TXNRD2: variants seen among roughly 807,000 people sequenced by gnomAD.
TXNRD2 encodes thioredoxin reductase 2.
Under a neutral mutation model 70.8 loss-of-function variants are expected in TXNRD2, and 67 were observed. The observed-to-expected ratio is 0.95, with a 90% CI of 0.78 to 1.16. The LOEUF (loss-of-function observed/expected upper bound fraction) is 1.16. TXNRD2 is among the 50% of genes most tolerant of loss of function. The pLI is 0.00. For missense variants in TXNRD2, 644 were observed against 719.9 expected (o/e 0.89, Z 1.21); for synonymous variants, 301 against 295.8 (o/e 1.02, Z -0.18).
At chr22:19,940,569 G>A (rs2075507) in intron 1 of TXNRD2, among the ~76,000 whole-genome samples, 89,996 of 152,020 alleles carry the variant, frequency 0.59, 26,853 homozygotes, top group East Asian at 0.71. Context: ...GGAAGGGGAA[G>A]CTTTTCTGTC....
At chr22:19,892,788 G>A (rs986274546) in intron 11 of TXNRD2, among the ~76,000 whole-genome samples, 4 of 152,226 alleles carry the variant, frequency 2.6e-5, no homozygotes, top group African/African-American at 9.6e-5. Flanking sequence ...GTTTATTTGG[G>A]AATGACAGTA....
At chr22:19,932,468 G>C in intron 1 of TXNRD2, 2 of 1,601,412 alleles carry the variant, frequency 1.2e-6, no homozygotes, top group Non-Finnish European at 1.7e-6. Flanking sequence ...GGCAGGCAAG[G>C]GGCAGCCAAA....
At chr22:19,884,957 C>T (rs1447919135) in intron 11 of TXNRD2, among the ~76,000 whole-genome samples, 3 of 152,284 alleles carry the variant, frequency 2.0e-5, no homozygotes, top group East Asian at 1.9e-4. Flanking sequence ...CAAACTACAC[C>T]GTGCCCATTC....
chr22:19,894,647 A>C (rs1939412857), intron 11 of TXNRD2: 1 of 180,848 alleles, frequency 5.5e-6, no homozygotes, highest in Non-Finnish European at 1.2e-5. Context: ...AAAAGAAAAA[A>C]ACCTAGCTGG....
chr22:19,940,485 A>C (rs1171504386), intron 1 of TXNRD2, among the ~76,000 whole-genome samples: 2 of 152,052 alleles, frequency 1.3e-5, no homozygotes, highest in East Asian at 3.9e-4. Flanking sequence ...GTCTCGTATG[A>C]TATTCCCCAT....
At chr22:19,933,015 G>A (rs1569114273) in intron 1 of TXNRD2, among the ~76,000 whole-genome samples, 1 of 152,226 alleles carries the variant, frequency 6.6e-6, no homozygotes, top group Non-Finnish European at 1.5e-5. Flanking sequence ...TACAAGAGCT[G>A]GAGCCTAGAG....
In TXNRD2 at chr22:19,935,740, C is replaced by T. The variant is rs554547093; in HGVS notation, c.104-4642G>A. On this transcript the variant is annotated intron_variant, in intron 1 of 17. Coordinates refer to ENST00000400521, the MANE Select transcript of TXNRD2 (RefSeq NM_006440.5). ...TGACACTTACAGAAAATAGAAAGAACGTACGTTGAAATATTAGGGGCAGGT... is the reference window on the plus strand; with the variant it reads ...TGACACTTACAGAAAATAGAAAGAATGTACGTTGAAATATTAGGGGCAGGT... 1.1e-4 allele frequency among the ~76,000 whole-genome samples: 16 copies of T among 152,284 alleles called. No homozygotes were observed. The South Asian group carries it at 1.9e-3, about 18-fold the overall frequency.
chr22:19,911,272 C>T, intron 8 of TXNRD2, 105 bp downstream of exon 8: 1 of 960,226 alleles, frequency 1.0e-6, no homozygotes, highest in Non-Finnish European at 1.7e-6. Flanking sequence ...TTTGGGTAAA[C>T]CGGAAAGAAA....
intron 11 of TXNRD2, among the ~76,000 whole-genome samples, chr22:19,890,333 A>T (rs1162900236): frequency 6.6e-6 from 1 of 152,210 alleles, no homozygotes; most frequent in African/African-American, 2.4e-5. Flanking sequence ...TCTTGATGTC[A>T]TTAATTACAA....
chr22:19,933,610 C>CGAGAGG, intron 1 of TXNRD2: 1 of 851,504 alleles, frequency 1.2e-6, no homozygotes, highest in Non-Finnish European at 1.6e-6. Flanking sequence ...CCCAGGAGCC[C>CGAGAGG]TCTCGGGCTG....
chr22:19,932,253 C>A, intron 1 of TXNRD2: 1 of 1,605,368 alleles, frequency 6.2e-7, no homozygotes, highest in Non-Finnish European at 8.5e-7. Context: ...GTGTGCCCAG[C>A]TGCAGTCAGC....
At chr22:19,909,337 G>A (rs991671240) in intron 8 of TXNRD2, among the ~76,000 whole-genome samples, 4 of 152,058 alleles carry the variant, frequency 2.6e-5, no homozygotes, top group Admixed American at 2.6e-4. Flanking sequence ...TTTCACTGCA[G>A]CATTGATAAT....
At chr22:19,882,268 G>A (rs547845826) in intron 12 of TXNRD2, among the ~76,000 whole-genome samples, 150 of 152,230 alleles carry the variant, frequency 9.9e-4, no homozygotes, top group Non-Finnish European at 1.9e-3. Flanking sequence ...CTTGGCTCAC[G>A]GTAACCTCCG....
At chr22:19,914,358 C>A (rs1184259500) in intron 7 of TXNRD2, among the ~76,000 whole-genome samples, 1 of 152,178 alleles carries the variant, frequency 6.6e-6, no homozygotes, top group East Asian at 1.9e-4. Context: ...TGTGTTTATC[C>A]AAGCAAGTAG....
In TXNRD2 at chr22:19,909,530, AC is replaced by A. The variant is rs1444459866; in HGVS notation, c.662+1846del. ...ACACACACACCACTCACACACACAC[AC>A]CACACACACACATAACCACTCACAC... is the stretch of plus-strand genomic sequence containing the variant. On this transcript the variant is annotated intron_variant, in intron 8 of 17. Transcript: ENST00000400521. Among the ~76,000 whole-genome samples the A allele has an allele frequency of 3.4e-4, 32 of 93,352 alleles. No individual in the cohort carries two copies. The East Asian group carries it at 3.6e-3, about 11-fold the overall frequency. The allele number at this position is 93,352 out of a possible 152,430, so 61.2% of individuals were successfully genotyped here. A position where few individuals can be genotyped will look rare whatever the true frequency, so the allele number is the denominator to read the frequency against.
rs117484100 is a variant in TXNRD2, at chr22:19,940,460, G to A, written c.103+1241C>T. Among the ~76,000 whole-genome samples the A allele has an allele frequency of 1.1e-4, 17 of 152,134 alleles. No individual in the cohort carries two copies. In the East Asian group the frequency reaches 3.3e-3, roughly 29 times the overall value. On this transcript the variant is annotated intron_variant, in intron 1 of 17. Transcript: ENST00000400521. Reference sequence around the variant, plus strand: ...TTTCCCTTAAAATAGGAAGATAAGGGCATTATCCCCCTAAGTCTCGTATGA... The same window carrying A: ...TTTCCCTTAAAATAGGAAGATAAGGACATTATCCCCCTAAGTCTCGTATGA...
In TXNRD2 at chr22:19,883,593, T is replaced by C. The variant is rs1424641239; in HGVS notation, c.950-132A>G. ...TGGCTCCTGCCTGTAATCCCAGCAC[T>C]GTAGGAGGACGAGGTGGGCAAATCA... On this transcript the variant is annotated intron_variant, in intron 11 of 17. Transcript: ENST00000400521. The C allele has an allele frequency of 3.8e-6, 5 of 1,324,740 alleles. No homozygotes were observed. The South Asian group carries it at 6.0e-5, about 16-fold the overall frequency. 82.1% of individuals were successfully genotyped at this position (1,324,740 alleles called of 1,614,324 possible).
intron 8 of TXNRD2, chr22:19,911,128 A>G (rs1323112407): frequency 1.0e-5 from 6 of 586,626 alleles, no homozygotes; most frequent in East Asian, 3.1e-5. Context: ...TAGAGGTCTC[A>G]CTATATTGCC....
chr22:19,895,468 C>G lies in TXNRD2; in HGVS notation c.888G>C (p.Trp296Cys). Residue 296 changes from tryptophan to cysteine, a missense_variant, in exon 11 of 18, where the codon TGG (tryptophan) becomes TGC (cysteine). This residue lies in a region of TXNRD2 where 566 missense variants were observed against 645.0 expected (regional missense o/e 0.88). Coordinates refer to ENST00000400521, the MANE Select transcript of TXNRD2 (RefSeq NM_006440.5). Reference protein sequence around the residue: ...RLPDGQLQVTWEDSTTGKEDT... With the variant: ...RLPDGQLQVTCEDSTTGKEDT... The stretch of plus-strand genomic sequence containing the variant: ...CCTCCTTGCCGGTGGTGCTGTCCTC[C>G]CAGGTGACCTGCAGCTGGCCATCAG... 1 of 1,613,952 alleles carries G rather than the reference C, an allele frequency of 6.2e-7. No homozygotes were observed.
Sources: gnomAD v4.1 joint callset for allele counts (sites outside exome capture counted in the v4.1 genomes callset) on GRCh38, gnomAD v4.1.1 for gene constraint, gnomAD v4.1.1 regional missense constraint, MANE v1.5 for transcripts, NCBI Gene and HGNC (gene_info 2026-07-23, HGNC 2026-07-21) for gene names.